INPP4B: variants seen among roughly 807,000 people sequenced by gnomAD.
INPP4B encodes the protein inositol polyphosphate 4-phosphatase type II.
A neutral mutation model predicts 122.5 loss-of-function variants in INPP4B; 55 were observed. The observed-to-expected ratio is 0.45, with a 90% CI of 0.36 to 0.56. The LOEUF (loss-of-function observed/expected upper bound fraction) is 0.56, where lower values mean the gene tolerates loss of function less well. Ranked by LOEUF, INPP4B falls within the 20% of genes least tolerant of loss-of-function variation. INPP4B has a pLI of 0.00. For missense variants in INPP4B, 1,000 were observed against 1,097.7 expected (o/e 0.91, Z 1.26); for synonymous variants, 403 against 388.7 (o/e 1.04, Z -0.43).
chr4:142,546,723 C>T lies in INPP4B; in HGVS notation c.-190-83997G>A, dbSNP rs145650271. ...TTTCAAAGTAGAGTCTTCATATTGT[C>T]GGTTAATTTAAAAAGTCCCACCATT... On this transcript the variant is annotated intron_variant, in intron 2 of 25. Transcript: ENST00000262992. 4.7e-4 allele frequency among the ~76,000 whole-genome samples: 71 copies of T among 152,200 alleles called. 1 individual carries two copies. The East Asian group carries it at 0.012, about 26-fold the overall frequency.
At position 142,116,605 on chromosome 4, in the gene INPP4B, T is replaced by G. The variant is rs529622196; in HGVS notation, c.2136-3923A>C. 6.6e-5 allele frequency among the ~76,000 whole-genome samples: 10 copies of G among 152,282 alleles called. No homozygotes were observed. In the East Asian group the frequency reaches 9.7e-4, roughly 15 times the overall value. The stretch of plus-strand genomic sequence containing the variant: ...TGAAAGCAGAAATAAAGATGTTCTT[T>G]GAAACCAATGAGAACAAAGATACAA... On this transcript the variant is annotated intron_variant, in intron 21 of 25. Transcript: ENST00000262992.
chr4:142,177,825 A>C (rs1204261858), intron 15 of INPP4B, among the ~76,000 whole-genome samples: 2 of 152,158 alleles, frequency 1.3e-5, no homozygotes, highest in Non-Finnish European at 2.9e-5. Flanking sequence ...TCTAATTGCT[A>C]ACCAAAATAC....
At chr4:142,619,627 T>C (rs1294456591) in intron 2 of INPP4B, among the ~76,000 whole-genome samples, 4 of 151,908 alleles carry the variant, frequency 2.6e-5, no homozygotes, top group African/African-American at 9.7e-5. Flanking sequence ...AAATAGGGAA[T>C]TGCTATCCAA....
intron 24 of INPP4B, among the ~76,000 whole-genome samples, chr4:142,084,097 GA>G (rs1561060157): frequency 6.6e-6 from 1 of 151,966 alleles, no homozygotes; most frequent in Non-Finnish European, 1.5e-5. Context: ...ACTTAAAGAA[GA>G]AAAAAACAAA....
chr4:142,790,086 T>C (rs768629140), intron 1 of INPP4B, among the ~76,000 whole-genome samples: 4 of 152,122 alleles, frequency 2.6e-5, no homozygotes, highest in Non-Finnish European at 5.9e-5. Context: ...CAACACAAGA[T>C]GGATTAAGGA....
At chr4:142,353,785 T>C (rs758509963) in intron 7 of INPP4B, among the ~76,000 whole-genome samples, 5 of 152,012 alleles carry the variant, frequency 3.3e-5, no homozygotes, top group Non-Finnish European at 7.4e-5. Context: ...TTGCAAATAG[T>C]ATAGAGTTTG....
At chr4:142,627,097 A>T (rs1746617557) in intron 2 of INPP4B, among the ~76,000 whole-genome samples, 1 of 151,888 alleles carries the variant, frequency 6.6e-6, no homozygotes, top group Non-Finnish European at 1.5e-5. Context: ...CTAAAATGAC[A>T]CTCTCCAGTC....
intron 7 of INPP4B, among the ~76,000 whole-genome samples, chr4:142,326,971 G>T (rs1642774378): frequency 6.6e-6 from 1 of 152,100 alleles, no homozygotes; most frequent in African/African-American, 2.4e-5. Flanking sequence ...CAAAATCTAT[G>T]CCCCTTCCAT....
chr4:142,742,523 G>A (rs576612836), intron 1 of INPP4B, among the ~76,000 whole-genome samples: 11 of 151,886 alleles, frequency 7.2e-5, no homozygotes, highest in South Asian at 4.2e-4. Context: ...AAGCAATGAC[G>A]GATGTCAGAA....
At chr4:142,518,048 T>C (rs985689518) in intron 2 of INPP4B, among the ~76,000 whole-genome samples, 6 of 152,176 alleles carry the variant, frequency 3.9e-5, no homozygotes, top group African/African-American at 1.4e-4. Flanking sequence ...ACCAGCAGAA[T>C]AGATACAATA....
intron 1 of INPP4B, among the ~76,000 whole-genome samples, chr4:142,729,764 A>G (rs1765823160): frequency 6.6e-6 from 1 of 152,188 alleles, no homozygotes; most frequent in African/African-American, 2.4e-5. Context: ...AGCTGAGACC[A>G]GTTCAGTTGC....
intron 2 of INPP4B, among the ~76,000 whole-genome samples, chr4:142,476,644 G>C (rs537188182): frequency 3.9e-5 from 6 of 152,218 alleles, no homozygotes; most frequent in African/African-American, 1.4e-4. Flanking sequence ...ACAGAAAAAA[G>C]CAGGGGTCGC....
intron 10 of INPP4B, among the ~76,000 whole-genome samples, chr4:142,264,485 T>A (rs185732746): frequency 4.9e-4 from 75 of 152,352 alleles, no homozygotes; most frequent in Middle Eastern, 3.4e-3. Context: ...TTTTTCTTTC[T>A]ACTACTATGT....
chr4:142,333,969 G>T (rs896941131), intron 7 of INPP4B, among the ~76,000 whole-genome samples: 3 of 152,070 alleles, frequency 2.0e-5, no homozygotes, highest in Non-Finnish European at 2.9e-5. Context: ...TTGATCCCCA[G>T]AACTTATTTA....
chr4:142,255,326 A>C (rs990900189), intron 11 of INPP4B, among the ~76,000 whole-genome samples: 1 of 152,172 alleles, frequency 6.6e-6, no homozygotes, highest in African/African-American at 2.4e-5. Context: ...CTAATATCAT[A>C]ATGACAGGAT....
chr4:142,129,353 C>T (rs948813135), intron 18 of INPP4B, among the ~76,000 whole-genome samples: 1 of 152,318 alleles, frequency 6.6e-6, no homozygotes, highest in Middle Eastern at 3.4e-3. Flanking sequence ...CTATGCCTTA[C>T]ATCAACCCAA....
chr4:142,059,192 A>G (rs1255920814), intron 25 of INPP4B, among the ~76,000 whole-genome samples: 3 of 152,178 alleles, frequency 2.0e-5, no homozygotes, highest in Non-Finnish European at 4.4e-5. Context: ...ACATTTCTAG[A>G]GTAAGCAATA....
At chr4:142,507,502 C>T (rs986348010) in intron 2 of INPP4B, among the ~76,000 whole-genome samples, 3 of 151,894 alleles carry the variant, frequency 2.0e-5, no homozygotes, top group African/African-American at 4.8e-5. Flanking sequence ...ACCTAGGTAT[C>T]ATCTGTTCAT....
At chr4:142,750,971 A>T (rs1254953009) in intron 1 of INPP4B, among the ~76,000 whole-genome samples, 2 of 152,254 alleles carry the variant, frequency 1.3e-5, no homozygotes, top group African/African-American at 2.4e-5. Flanking sequence ...ATTCTCAAAA[A>T]GTAGAAGAGT....
Sources: gnomAD v4.1 joint callset for allele counts (sites outside exome capture counted in the v4.1 genomes callset) on GRCh38, gnomAD v4.1.1 for gene constraint, MANE v1.5 for transcripts, NCBI Gene and HGNC (gene_info 2026-07-23, HGNC 2026-07-21) for gene names.